The following MSRA variants were observed in gnomAD, a reference collection of about 807,000 sequenced individuals.
The protein encoded by MSRA is mitochondrial peptide methionine sulfoxide reductase.
MSRA carries 54 observed loss-of-function variants against 31.3 expected under a neutral mutation model. The ratio of observed to expected loss-of-function variants is 1.73; its 90% CI spans 1.39 to 2.17. MSRA has a LOEUF of 2.17. Ranked by LOEUF, MSRA falls within the 30% of genes most tolerant of loss-of-function variation. The pLI is 0.00. For missense variants in MSRA, 507 were observed against 300.9 expected (o/e 1.69, Z -5.07); for synonymous variants, 169 against 116.5 (o/e 1.45, Z -2.90).
chr8:10,240,203 C>G (rs1271945894), intron 2 of MSRA, among the ~76,000 whole-genome samples: 1 of 152,152 alleles, frequency 6.6e-6, no homozygotes, highest in Non-Finnish European at 1.5e-5. Context: ...CGGTGTAATC[C>G]TTTGCCACCT....
At chr8:10,074,969 C>G (rs1384111039) in intron 1 of MSRA, among the ~76,000 whole-genome samples, 1 of 152,136 alleles carries the variant, frequency 6.6e-6, no homozygotes, top group African/African-American at 2.4e-5. Context: ...CCCTGTACTT[C>G]TTTTTTCTCT....
At chr8:10,406,707 C>T (rs954441646) in intron 5 of MSRA, among the ~76,000 whole-genome samples, 3 of 152,210 alleles carry the variant, frequency 2.0e-5, no homozygotes, top group African/African-American at 7.2e-5. Context: ...AGCCATATCT[C>T]CCCTGCTCTG....
intron 2 of MSRA, among the ~76,000 whole-genome samples, chr8:10,221,567 A>C (rs147560373): frequency 6.6e-6 from 1 of 152,092 alleles, no homozygotes; most frequent in African/African-American, 2.4e-5. Flanking sequence ...TGGCACTGAG[A>C]TTATTTATTC....
intron 5 of MSRA, among the ~76,000 whole-genome samples, chr8:10,361,666 C>T (rs1203427925): frequency 6.6e-6 from 1 of 152,090 alleles, no homozygotes. Flanking sequence ...GCTCCTGTCT[C>T]CCAAAAACAC....
chr8:10,423,934 A>ATTCATTCATTCATTC lies in MSRA; in HGVS notation c.544-4214_544-4213insTTCATTCATTCATTC, dbSNP rs1422950786. Among the ~76,000 whole-genome samples the ATTCATTCATTCATTC allele has an allele frequency of 2.6e-5, 4 of 151,750 alleles. No individual in the cohort carries two copies. In the East Asian group the frequency reaches 7.7e-4, roughly 29 times the overall value. On this transcript the variant is annotated intron_variant, in intron 5 of 5. Transcript: ENST00000317173. ...TCATTCATTCATTCATTCATTCATTAATTGCACACAGTGCACAAAGCCCCG... is the reference window on the plus strand; with the variant it reads ...TCATTCATTCATTCATTCATTCATTATTCATTCATTCATTCATTGCACACAGTGCACAAAGCCCCG...
At chr8:10,203,758 G>T (rs1808708025) in intron 1 of MSRA, among the ~76,000 whole-genome samples, 1 of 152,200 alleles carries the variant, frequency 6.6e-6, no homozygotes, top group Non-Finnish European at 1.5e-5. Context: ...AAAATAGCCT[G>T]AGGCAGGTAC....
chr8:10,381,200 C>T (rs183262204), intron 5 of MSRA, among the ~76,000 whole-genome samples: 50 of 152,288 alleles, frequency 3.3e-4, no homozygotes, highest in Non-Finnish European at 7.4e-5. Context: ...AGCCTTTTCT[C>T]CTTTTTCTTC....
chr8:10,400,227 G>T (rs142293197), intron 5 of MSRA, among the ~76,000 whole-genome samples: 2 of 152,230 alleles, frequency 1.3e-5, no homozygotes, highest in Non-Finnish European at 2.9e-5. Flanking sequence ...TCGGGCTGGG[G>T]CAGGGAGAGG....
chr8:10,107,752 AG>A (rs1799990535), intron 1 of MSRA, among the ~76,000 whole-genome samples: 1 of 152,164 alleles, frequency 6.6e-6, no homozygotes, highest in Admixed American at 6.5e-5. Flanking sequence ...AGAGTGTGAC[AG>A]TAGTTTACCG....
intron 5 of MSRA, among the ~76,000 whole-genome samples, chr8:10,384,201 C>G (rs1213715114): frequency 2.0e-5 from 3 of 152,194 alleles, no homozygotes; most frequent in African/African-American, 7.2e-5. Flanking sequence ...CTCCTGCGCC[C>G]TTAGAGATGG....
intron 2 of MSRA, among the ~76,000 whole-genome samples, chr8:10,208,886 G>T (rs928057641): frequency 6.6e-6 from 1 of 152,212 alleles, no homozygotes. Flanking sequence ...CTTGAATTGC[G>T]TTTGAACTGG....
intron 3 of MSRA, among the ~76,000 whole-genome samples, chr8:10,255,900 G>C (rs1798151391): frequency 6.6e-6 from 1 of 152,048 alleles, no homozygotes. Context: ...AATGTAAAGA[G>C]AATTCCCATC....
chr8:10,261,872 C>T (rs1204866473), intron 3 of MSRA, among the ~76,000 whole-genome samples: 2 of 152,192 alleles, frequency 1.3e-5, no homozygotes, highest in Admixed American at 1.3e-4. Context: ...CATCTCTCCA[C>T]CCTCACAAAC....
chr8:10,261,845 C>G (rs537293070), intron 3 of MSRA, among the ~76,000 whole-genome samples: 87 of 152,276 alleles, frequency 5.7e-4, no homozygotes, highest in Admixed American at 1.5e-3. Context: ...CTAAAGATTC[C>G]CTGCGCTCCA....
chr8:10,154,184 G>A (rs553289426), intron 1 of MSRA, among the ~76,000 whole-genome samples: 7 of 152,286 alleles, frequency 4.6e-5, no homozygotes, highest in African/African-American at 1.7e-4. Context: ...TTTGTCAAAC[G>A]CAGTCACTGA....
chr8:10,162,557 C>T (rs546788545), intron 1 of MSRA, among the ~76,000 whole-genome samples: 6 of 152,132 alleles, frequency 3.9e-5, no homozygotes, highest in Middle Eastern at 3.4e-3. Flanking sequence ...GACTGGCGGC[C>T]GTCAGTGGGG....
chr8:10,322,972 C>G (rs1225416534), intron 5 of MSRA, among the ~76,000 whole-genome samples: 1 of 151,860 alleles, frequency 6.6e-6, no homozygotes, highest in Non-Finnish European at 1.5e-5. Flanking sequence ...CACCTGTAAT[C>G]CGAGCTACTG....
In MSRA at chr8:10,409,259, A is replaced by G. The variant is rs180748327; in HGVS notation, c.544-18889A>G. On this transcript the variant is annotated intron_variant, in intron 5 of 5. Transcript: ENST00000317173. ...TTTTTTTGACTTTTTAATAGTAGCCATTCTGACTGGTGTAAGATGATATCT... is the reference window on the plus strand; with the variant it reads ...TTTTTTTGACTTTTTAATAGTAGCCGTTCTGACTGGTGTAAGATGATATCT... Among the ~76,000 whole-genome samples, 450 of 152,320 alleles carry G rather than the reference A, an allele frequency of 3.0e-3. 9 individuals carry two copies. The highest frequency in any genetic ancestry group is 0.022 in the Admixed American group (336 of 15,300).
At chr8:10,274,232 G>A (rs1799200175) in intron 3 of MSRA, among the ~76,000 whole-genome samples, 1 of 152,210 alleles carries the variant, frequency 6.6e-6, no homozygotes, top group South Asian at 2.1e-4. Context: ...ATTCCAGACA[G>A]TATGTAAAAG....
Sources: allele counts gnomAD v4.1 joint callset (sites outside exome capture counted in the v4.1 genomes callset), GRCh38; gene constraint gnomAD v4.1.1; transcripts MANE v1.5; gene names NCBI Gene and HGNC (gene_info 2026-07-23, HGNC 2026-07-21).